BCAP29: variants seen among roughly 807,000 people sequenced by gnomAD.
The protein encoded by BCAP29 is B-cell receptor-associated protein 29.
Under a neutral mutation model 31.8 loss-of-function variants are expected in BCAP29, and 34 were observed. The ratio of observed to expected loss-of-function variants is 1.07; its 90% CI spans 0.81 to 1.42. The LOEUF is 1.42. Among genes scored for constraint, BCAP29 ranks in the 40% most tolerant of loss-of-function variants. The pLI is 0.00. For missense variants in BCAP29, 314 were observed against 269.2 expected (o/e 1.17, Z -1.16); for synonymous variants, 104 against 91.3 (o/e 1.14, Z -0.79).
At chr7:107,596,907 G>C (rs78246799) in intron 5 of BCAP29, among the ~76,000 whole-genome samples, 2,074 of 152,198 alleles carry the variant, frequency 0.014, 44 homozygotes, top group African/African-American at 0.046. Flanking sequence ...CCAATTCCTT[G>C]ACCCTGCGTG....
chr7:107,591,772 G>T (rs1044694697), intron 3 of BCAP29, among the ~76,000 whole-genome samples: 135 of 150,736 alleles, frequency 9.0e-4, no homozygotes, highest in African/African-American at 3.2e-3. Flanking sequence ...AGGGATTCTT[G>T]CCAAAAGTAT....
chr7:107,613,848 T>G lies in BCAP29; in HGVS notation c.690+416T>G, dbSNP rs1316327651. ...TTTTAGACATATTAGGACAAGACTT[T>G]AGCATTCAAATTTATCATTTACCTC... is the stretch of plus-strand genomic sequence containing the variant. On this transcript the variant is annotated intron_variant, in intron 7 of 7. Transcript: ENST00000005259. 4 of 702,144 alleles carry G rather than the reference T, an allele frequency of 5.7e-6. No homozygotes were observed. In the East Asian group the frequency reaches 1.1e-4, roughly 20 times the overall value. The allele number at this position is 702,144 out of a possible 1,614,324, so 43.5% of individuals were successfully genotyped here.
At chr7:107,602,553 A>T (rs1811349760) in intron 6 of BCAP29, among the ~76,000 whole-genome samples, 1 of 152,068 alleles carries the variant, frequency 6.6e-6, no homozygotes, top group Non-Finnish European at 1.5e-5. Context: ...ATTGAGTTAA[A>T]AAAAAGCAAT....
intron 3 of BCAP29, among the ~76,000 whole-genome samples, chr7:107,591,925 G>A (rs1019447132): frequency 3.3e-5 from 5 of 151,820 alleles, no homozygotes; most frequent in Non-Finnish European, 7.4e-5. Context: ...AATTCAGAAT[G>A]TGAGAACTTT....
At chr7:107,592,273 A>G (rs946463205) in intron 3 of BCAP29, among the ~76,000 whole-genome samples, 1 of 152,262 alleles carries the variant, frequency 6.6e-6, no homozygotes, top group African/African-American at 2.4e-5. Flanking sequence ...AAAAATGGGT[A>G]AAGGATCTGA....
chr7:107,583,892 A>AT lies in BCAP29; in HGVS notation c.109dup (p.Ser37PhefsTer3), dbSNP rs750788378. The AT allele has an allele frequency of 6.4e-7, 1 of 1,559,246 alleles. No homozygotes were observed. The highest frequency in any genetic ancestry group is 1.2e-5 in the South Asian group (1 of 81,608). ...TGTATTGCTTTACAGATGGCAGAAG[A>AT]TTTTTTCATTTAATGTCTGGGGTAA... On this transcript the variant is annotated frameshift_variant, in exon 3 of 8. Transcript: ENST00000005259. LOFTEE classifies it high-confidence loss of function.
intron 2 of BCAP29, among the ~76,000 whole-genome samples, chr7:107,582,369 T>C (rs1806849856): frequency 6.6e-6 from 1 of 152,244 alleles, no homozygotes; most frequent in South Asian, 2.1e-4. Flanking sequence ...ATACGGTATG[T>C]ATGCACGCAG....
At chr7:107,580,939 A>T (rs1806538577) in intron 2 of BCAP29, 75 bp downstream of exon 2, 1 of 1,137,320 alleles carries the variant, frequency 8.8e-7, no homozygotes, top group Non-Finnish European at 1.2e-6. Flanking sequence ...TTTTCTGAAC[A>T]TTAAAAAGTT....
intron 3 of BCAP29, among the ~76,000 whole-genome samples, chr7:107,589,112 A>G (rs1808240654): frequency 6.6e-6 from 1 of 152,216 alleles, no homozygotes; most frequent in Non-Finnish European, 1.5e-5. Context: ...CTTACCCTAA[A>G]AAAGTATAAA....
chr7:107,612,292 A>G (rs929066363), intron 6 of BCAP29, among the ~76,000 whole-genome samples: 1 of 150,808 alleles, frequency 6.6e-6, no homozygotes, highest in African/African-American at 2.4e-5. Context: ...ACTATATGAG[A>G]TAAAAGTTTC....
chr7:107,609,236 G>A (rs1812695371), intron 6 of BCAP29, among the ~76,000 whole-genome samples: 1 of 152,214 alleles, frequency 6.6e-6, no homozygotes, highest in Admixed American at 6.5e-5. Context: ...GAGTGTAAAA[G>A]AAGATGGAAC....
At chr7:107,583,534 C>A (rs971866868) in intron 2 of BCAP29, among the ~76,000 whole-genome samples, 2 of 152,046 alleles carry the variant, frequency 1.3e-5, no homozygotes, top group Non-Finnish European at 2.9e-5. Context: ...ATTTCTAAGT[C>A]ATTTCTCTGA....
intron 3 of BCAP29, among the ~76,000 whole-genome samples, chr7:107,592,208 GA>G (rs1234494977): frequency 6.6e-6 from 1 of 151,906 alleles, no homozygotes; most frequent in Non-Finnish European, 1.5e-5. Flanking sequence ...TTCTCAGTTT[GA>G]AAAAAATTCT....
chr7:107,595,539 A>G (rs1809656343), intron 4 of BCAP29, among the ~76,000 whole-genome samples: 1 of 152,152 alleles, frequency 6.6e-6, no homozygotes, highest in Non-Finnish European at 1.5e-5. Context: ...AACTGGGCCA[A>G]AAAAAATAAT....
intron 5 of BCAP29, 67 bp from the exon 6 acceptor site, chr7:107,600,330 T>C: frequency 1.0e-6 from 1 of 966,148 alleles, no homozygotes; most frequent in Non-Finnish European, 1.7e-6. Flanking sequence ...ACTCAGCTTA[T>C]TTTCTGTAAG....
intron 6 of BCAP29, among the ~76,000 whole-genome samples, chr7:107,605,956 A>C (rs571617106): frequency 6.6e-6 from 1 of 152,250 alleles, no homozygotes; most frequent in Non-Finnish European, 1.5e-5. Flanking sequence ...ACTTTTTCCT[A>C]GAGTTTAAAT....
intron 7 of BCAP29, chr7:107,615,804 C>T (rs1814023134): frequency 1.2e-5 from 2 of 161,598 alleles, no homozygotes; most frequent in Admixed American, 1.2e-4. Flanking sequence ...AGAGTATGCT[C>T]TGGACTAAGC....
intron 3 of BCAP29, among the ~76,000 whole-genome samples, chr7:107,585,114 G>A (rs1807397250): frequency 6.6e-6 from 1 of 152,166 alleles, no homozygotes; most frequent in South Asian, 2.1e-4. Flanking sequence ...TTCTTGAAAT[G>A]CCCCTTCTTG....
At chr7:107,613,851 C>A in intron 7 of BCAP29, 1 of 688,072 alleles carries the variant, frequency 1.5e-6, no homozygotes, top group Non-Finnish European at 2.4e-6. Context: ...AAGACTTTAG[C>A]ATTCAAATTT....
Sources: allele counts gnomAD v4.1 joint callset (sites outside exome capture counted in the v4.1 genomes callset), GRCh38; gene constraint gnomAD v4.1.1; transcripts MANE v1.5; gene names NCBI Gene and HGNC (gene_info 2026-07-23, HGNC 2026-07-21).